CCR7: variants seen among roughly 807,000 people sequenced by gnomAD.
CCR7 encodes the protein C-C chemokine receptor type 7.
In CCR7, 11 loss-of-function variants were observed where a neutral mutation model predicts 26.0. That is an observed-to-expected ratio of 0.42 (90% CI 0.27 to 0.70). CCR7 has a LOEUF of 0.70. Among genes scored for constraint, CCR7 ranks in the 30% least tolerant of loss-of-function variants. The probability of loss-of-function intolerance (pLI) is 0.23; values close to 1 mark genes in which losing one functional copy is unlikely to be tolerated. For synonymous variants in CCR7, 189 were observed against 202.1 expected, an observed-to-expected ratio of 0.94 and a Z score of 0.55; for missense variants, 360 against 504.0, an observed-to-expected ratio of 0.71 and a Z score of 2.74.
rs200496791 is a variant in CCR7 at position 40,554,919 on chromosome 17, G to A, written c.960C>T (p.Cys320=). The A allele has an allele frequency of 1.6e-5, 26 of 1,614,218 alleles. No homozygotes were observed. Among genetic ancestry groups the A allele is most frequent in the Admixed American group, 1.3e-4 (8 of 60,032 alleles). The change falls in exon 3 of 3, where the codon TGC becomes TGT. Residue 320 remains cysteine, a synonymous_variant. Transcript: ENST00000246657. ...VTYSLACVRC[C]VNPFLYAFIG... ...TGAAGGCGTACAAGAAAGGGTTGAC[G>A]CAGCAGCGGACGCAGGCCAGGCTGT... is the stretch of plus-strand genomic sequence containing the variant.
chr17:40,559,611 A>G (rs2036632066), intron 1 of CCR7, among the ~76,000 whole-genome samples: 1 of 152,182 alleles, frequency 6.6e-6, no homozygotes, highest in Non-Finnish European at 1.5e-5. Context: ...CTGAAATGAC[A>G]TTCATTCAGC....
intron 1 of CCR7, among the ~76,000 whole-genome samples, chr17:40,562,954 G>A (rs1052781793): frequency 2.6e-5 from 4 of 152,020 alleles, no homozygotes; most frequent in East Asian, 1.9e-4. Context: ...TTACCTTGTC[G>A]GCCTCTGATG....
At chr17:40,564,921 C>T (rs995877372) in intron 1 of CCR7, among the ~76,000 whole-genome samples, 5 of 152,182 alleles carry the variant, frequency 3.3e-5, no homozygotes, top group African/African-American at 4.8e-5. Flanking sequence ...CTCCTCATGA[C>T]CCCAAGTGGA....
At position 40,554,705 on chromosome 17, in the gene CCR7, C is replaced by A; in HGVS notation, c.*37G>T. 1.3e-6 allele frequency: 2 copies of A among 1,493,826 alleles called. No individual in the cohort carries two copies. The highest frequency in any genetic ancestry group is 1.8e-6 in the Non-Finnish European group (2 of 1,097,770). 92.5% of individuals were successfully genotyped at this position (1,493,826 alleles called of 1,614,324 possible). On this transcript the variant is annotated 3_prime_UTR_variant, in exon 3 of 3. Transcript: ENST00000246657. The stretch of plus-strand genomic sequence containing the variant: ...GCTCCCTATCCCCACCCCAGGGACC[C>A]TGGGAGAGGTCCCTCTAGTCCAGGC...
Position 40,560,216 on chromosome 17 carries a change from A to G in CCR7, c.11-1274T>C, listed in dbSNP as rs368045219. ...TTTGCCTAGATGTTTTAGCTTACCT[A>G]CAAGTCAGGGCGGCAGTAGCCCTCT... On this transcript the variant is annotated intron_variant, in intron 1 of 2. Transcript: ENST00000246657. Among the ~76,000 whole-genome samples the G allele has an allele frequency of 1.1e-4, 16 of 152,312 alleles. No homozygotes were observed. The South Asian group carries it at 3.3e-3, about 32-fold the overall frequency.
intron 2 of CCR7, among the ~76,000 whole-genome samples, chr17:40,558,051 C>T (rs912676342): frequency 6.6e-6 from 1 of 152,194 alleles, no homozygotes; most frequent in Non-Finnish European, 1.5e-5. Context: ...CAGCTTGGGG[C>T]CTGCCTCTGG....
chr17:40,559,825 C>T (rs1036224366), intron 1 of CCR7, among the ~76,000 whole-genome samples: 1 of 152,180 alleles, frequency 6.6e-6, no homozygotes, highest in African/African-American at 2.4e-5. Context: ...AGGGAGAGGG[C>T]ATCAAGATGG....
chr17:40,554,960 C>A lies in CCR7; in HGVS notation c.919G>T (p.Ala307Ser). The change falls in exon 3 of 3, where the codon GCC becomes TCC. Residue 307 changes from alanine to serine, a missense_variant. Physicochemically the swap from Ala to Ser is moderately conservative, Grantham distance 99. Transcript: ENST00000246657. Reference protein sequence around the residue: ...TCELSKQLNIAYDVTYSLACV... With the variant: ...TCELSKQLNISYDVTYSLACV... The stretch of plus-strand genomic sequence containing the variant: ...GCCAGGCTGTAGGTGACGTCGTAGG[C>A]GATGTTGAGTTGCTTACTGAGCTCA... 6.2e-7 allele frequency: 1 copy of A among 1,614,166 alleles called. No individual in the cohort carries two copies.
rs2036554974 is a variant in CCR7, at chr17:40,554,503, G to C, written c.*239C>G. 1.9e-6 allele frequency: 1 copy of C among 539,032 alleles called. No individual in the cohort carries two copies. The highest frequency in any genetic ancestry group is 1.9e-5 in the African/African-American group (1 of 52,892). 33.4% of individuals were successfully genotyped at this position (539,032 alleles called of 1,614,324 possible). On this transcript the variant is annotated 3_prime_UTR_variant, in exon 3 of 3. Transcript: ENST00000246657. ...TTTGGTTTAGGGGACAATAGCCTCTGTTTCCCAGTGTTGTCTGTCTGGTGT... is the reference window on the plus strand; with the variant it reads ...TTTGGTTTAGGGGACAATAGCCTCTCTTTCCCAGTGTTGTCTGTCTGGTGT...
In CCR7 at chr17:40,555,870, A is replaced by T; in HGVS notation, c.61-52T>A. ...AGGCCAGTTTAGCTGGGTGGCTCCA[A>T]CTCTGGCTGGGATTTAGCCTAGAGC... On this transcript the variant is annotated intron_variant, in intron 2 of 2. Coordinates refer to ENST00000246657, the MANE Select transcript of CCR7 (RefSeq NM_001838.4). The surrounding 1 kb of genome is among the most constrained non-coding windows in gnomAD (Gnocchi z 5.6). 1 of 1,291,152 alleles carries T rather than the reference A, an allele frequency of 7.7e-7. No homozygotes were observed. Among genetic ancestry groups the T allele is most frequent in the Non-Finnish European group, 1.1e-6 (1 of 905,820 alleles). The allele number at this position is 1,291,152 out of a possible 1,614,324, so 80.0% of individuals were successfully genotyped here.
chr17:40,565,299 C>T (rs2143924499), intron 1 of CCR7, 101 bp downstream of exon 1: 1 of 1,012,590 alleles, frequency 9.9e-7, no homozygotes, highest in South Asian at 1.3e-5. Flanking sequence ...AGGAAGCACC[C>T]CTATGCGCTC....
At chr17:40,565,367 A>G (rs2036698537) in intron 1 of CCR7, 33 bp downstream of exon 1, 3 of 1,597,492 alleles carry the variant, frequency 1.9e-6, no homozygotes, top group South Asian at 1.1e-5. Context: ...AGACCCTGGT[A>G]CTGTTCCTTC....
chr17:40,562,431 C>T (rs1406291478), intron 1 of CCR7, among the ~76,000 whole-genome samples: 1 of 152,092 alleles, frequency 6.6e-6, no homozygotes, highest in Admixed American at 6.6e-5. Flanking sequence ...TCTTTGCTCC[C>T]CATGCCCCAC....
In CCR7 at chr17:40,555,781, A is replaced by T; in HGVS notation, c.98T>A (p.Ile33Asn). 2 of 1,614,128 alleles carry T rather than the reference A, an allele frequency of 1.2e-6. No homozygotes were observed. Among genetic ancestry groups the T allele is most frequent in the African/African-American group, 2.7e-5 (2 of 75,034 alleles). ...LCQDEVTDDYIGDNTTVDYTL... is the reference protein window; with the variant it reads ...LCQDEVTDDYNGDNTTVDYTL... ...GTAGTCCACTGTGGTGTTGTCTCCG[A>T]TGTAATCGTCCGTGACCTCATCTTG... Residue 33 changes from isoleucine to asparagine, a missense_variant, in exon 3 of 3, where the codon ATC (isoleucine) becomes AAC (asparagine). Coordinates refer to ENST00000246657, the MANE Select transcript of CCR7 (RefSeq NM_001838.4). This position sits in a 1 kb window ranked among gnomAD's most constrained non-coding sequence, Gnocchi z 5.6.
chr17:40,562,353 C>T (rs980323363), intron 1 of CCR7, among the ~76,000 whole-genome samples: 1 of 152,156 alleles, frequency 6.6e-6, no homozygotes, highest in Non-Finnish European at 1.5e-5. Flanking sequence ...TGGGCTCTGG[C>T]TACTGCATCA....
chr17:40,558,613 G>A (rs931302264), intron 2 of CCR7, among the ~76,000 whole-genome samples: 1 of 152,172 alleles, frequency 6.6e-6, no homozygotes. Context: ...CCATATTTCT[G>A]TCTCCTGGGC....
chr17:40,555,543 G>C lies in CCR7; in HGVS notation c.336C>G (p.Pro112=). The C allele has an allele frequency of 6.2e-7, 1 of 1,614,154 alleles. No individual in the cohort carries two copies. Among genetic ancestry groups the C allele is most frequent in the Non-Finnish European group, 8.5e-7 (1 of 1,180,026 alleles). Residue 112 remains proline, a synonymous_variant, in exon 3 of 3, where the codon CCC becomes CCG. Coordinates refer to ENST00000246657, the MANE Select transcript of CCR7 (RefSeq NM_001838.4). This position sits in a 1 kb window ranked among gnomAD's most constrained non-coding sequence, Gnocchi z 5.6. Reference sequence around the variant, plus strand: ...ACTTGGCCGCGCTGTAGGCCCAGAAGGGAAGGGTCAGGAGGAAGAGGATGT... The same window carrying C: ...ACTTGGCCGCGCTGTAGGCCCAGAACGGAAGGGTCAGGAGGAAGAGGATGT... ...VADILFLLTL[P]FWAYSAAKSW...
intron 1 of CCR7, 145 bp downstream of exon 1, chr17:40,565,255 T>A: frequency 1.3e-6 from 1 of 784,938 alleles, no homozygotes; most frequent in Non-Finnish European, 2.3e-6. Context: ...TGGAAGTAGC[T>A]TCCAATGCCC....
chr17:40,558,919 C>A lies in CCR7; in HGVS notation c.34G>T (p.Val12Leu), dbSNP rs774486933. The change falls in exon 2 of 3, where the codon GTG becomes TTG. Residue 12 changes from valine to leucine, a missense_variant. Coordinates refer to ENST00000246657, the MANE Select transcript of CCR7 (RefSeq NM_001838.4). ...DLGKPMKSVL[V>L]VALLVIFQVC... ...TGGAAAATGACAAGGAGAGCCACCA[C>A]CAGCACGCTTTTCATTGGTTTCCCT... 3.1e-6 allele frequency: 5 copies of A among 1,613,348 alleles called. No homozygotes were observed. Among genetic ancestry groups the A allele is most frequent in the East Asian group, 4.5e-5 (2 of 44,852 alleles).
Sources: allele counts gnomAD v4.1 joint callset (sites outside exome capture counted in the v4.1 genomes callset), GRCh38; gene constraint gnomAD v4.1.1; non-coding constraint Gnocchi (gnomAD v3.1); transcripts MANE v1.5; gene names NCBI Gene and HGNC (gene_info 2026-07-23, HGNC 2026-07-21).